Variants in C9orf43 observed in about 807,000 individuals in gnomAD.
C9orf43 encodes the protein uncharacterized protein C9orf43.
Under a neutral mutation model 59.1 loss-of-function variants are expected in C9orf43, and 45 were observed. The observed-to-expected ratio is 0.76, with a 90% CI of 0.60 to 0.98. C9orf43 has a LOEUF of 0.98. C9orf43 is among the 50% of genes least tolerant of loss of function. The pLI is 0.00. For missense variants in C9orf43, 533 were observed against 554.9 expected (o/e 0.96, Z 0.40); for synonymous variants, 203 against 196.8 (o/e 1.03, Z -0.26).
At chr9:113,414,013 T>G in intron 3 of C9orf43, 119 bp downstream of exon 3, 5 of 1,125,568 alleles carry the variant, frequency 4.4e-6, no homozygotes, top group Non-Finnish European at 6.2e-6. Flanking sequence ...CCAATTGGGT[T>G]AAAGAAGTGG....
At chr9:113,422,754 G>C (rs756690859) in intron 6 of C9orf43, among the ~76,000 whole-genome samples, 169 bp downstream of exon 6, 12 of 152,102 alleles carry the variant, frequency 7.9e-5, no homozygotes, top group Non-Finnish European at 1.5e-4. Context: ...TCTATTCAGA[G>C]ACTCCTTTTT....
chr9:113,412,829 A>G (rs569350852), intron 1 of C9orf43, among the ~76,000 whole-genome samples: 30 of 152,318 alleles, frequency 2.0e-4, no homozygotes, highest in African/African-American at 7.0e-4. Context: ...AATGAATGAA[A>G]AGCTAATGGC....
intron 12 of C9orf43, 108 bp downstream of exon 12, chr9:113,428,331 G>C (rs375549072): frequency 5.5e-5 from 59 of 1,080,482 alleles, no homozygotes; most frequent in Non-Finnish European, 7.8e-5. Context: ...TGATTCTGTG[G>C]GTTGACTGGA....
rs191657183 is a variant in C9orf43 at position 113,424,357 on chromosome 9, A to G, written c.807+41A>G. 3 of 1,556,436 alleles carry G rather than the reference A, an allele frequency of 1.9e-6. No homozygotes were observed. The African/African-American group carries it at 4.1e-5, about 21-fold the overall frequency. ...CAGCAGGGAAGAAGCCTATGTGAAA[A>G]TTCAAACCCATCTCTCCTCAAATCT... is the stretch of plus-strand genomic sequence containing the variant. On this transcript the variant is annotated intron_variant, in intron 8 of 13. Transcript: ENST00000374165.
intron 3 of C9orf43, among the ~76,000 whole-genome samples, chr9:113,414,604 A>G (rs1828292542): frequency 6.6e-6 from 1 of 152,112 alleles, no homozygotes; most frequent in South Asian, 2.1e-4. Context: ...ATGTGTTAAC[A>G]TGGTCTTCCC....
rs773945256 is a variant in C9orf43, at chr9:113,424,155, G to C, written c.657-11G>C. 12 of 1,598,900 alleles carry C rather than the reference G, an allele frequency of 7.5e-6. No homozygotes were observed. The highest frequency in any genetic ancestry group is 1.1e-5 in the South Asian group (1 of 88,042). On this transcript the variant is annotated splice_polypyrimidine_tract_variant and intron_variant, in intron 7 of 13. Transcript: ENST00000374165. ...GTTGCTGACTGTCTGGCTGTCCTCTGTCCCCTTCAGACTTTTGCCAGGTGG... is the reference window on the plus strand; with the variant it reads ...GTTGCTGACTGTCTGGCTGTCCTCTCTCCCCTTCAGACTTTTGCCAGGTGG...
Position 113,413,567 on chromosome 9 carries a change from G to A in C9orf43, c.74G>A (p.Trp25Ter), listed in dbSNP as rs1379697649. The A allele has an allele frequency of 1.9e-6, 3 of 1,614,056 alleles. No individual in the cohort carries two copies. In the African/African-American group the frequency reaches 4.0e-5, roughly 22 times the overall value. The change falls in exon 2 of 14, where the codon TGG (tryptophan) becomes TAG (stop). Residue 25 changes from tryptophan (W) to a stop codon, truncating the protein, a stop_gained. Transcript: ENST00000374165. LOFTEE classifies it high-confidence loss of function. ...GLAVCQHPQC[W>*]ATIRRIERGH... ...GCTGTTTGTCAGCACCCACAATGCT[G>A]GGCAACTATCCGCCGCATTGAGAGG...
rs1278892532 is a variant in C9orf43 at position 113,420,911 on chromosome 9, C to G, written c.346-192C>G. 5 of 445,388 alleles carry G rather than the reference C, an allele frequency of 1.1e-5. No homozygotes were observed. In the East Asian group the frequency reaches 7.8e-4, roughly 70 times the overall value. The allele number at this position is 445,388 out of a possible 1,614,324, so 27.6% of individuals were successfully genotyped here. On this transcript the variant is annotated intron_variant, in intron 4 of 13. Coordinates refer to ENST00000374165, the MANE Select transcript of C9orf43 (RefSeq NM_001278629.2). ...GAGATTATCTGCTTATTAATACTCA[C>G]TCTTGCAGATACCTATACTGATATT... is the stretch of plus-strand genomic sequence containing the variant.
chr9:113,414,126 A>G (rs1208951253), intron 3 of C9orf43, among the ~76,000 whole-genome samples: 1 of 152,168 alleles, frequency 6.6e-6, no homozygotes, highest in Non-Finnish European at 1.5e-5. Context: ...ATAACAAAAT[A>G]CCATAGACTG....
chr9:113,417,717 G>A (rs904524241), intron 3 of C9orf43, among the ~76,000 whole-genome samples: 3 of 152,206 alleles, frequency 2.0e-5, no homozygotes, highest in Non-Finnish European at 4.4e-5. Context: ...CATAGGAATA[G>A]CATATGCAAA....
At chr9:113,424,412 C>G (rs1386688496) in intron 8 of C9orf43, 96 bp downstream of exon 8, 2 of 1,342,908 alleles carry the variant, frequency 1.5e-6, no homozygotes, top group East Asian at 2.3e-5. Flanking sequence ...TCCTTATCTC[C>G]CTTCTGCCTT....
Position 113,422,470 on chromosome 9 carries a change from G to C in C9orf43, c.447-79G>C, listed in dbSNP as rs1769104800. ...CTTGGAGCTTCTGTTTAAGATATCT[G>C]GGAATAAGTTGTGCTTACTCTTATT... On this transcript the variant is annotated intron_variant, in intron 5 of 13. Transcript: ENST00000374165. 1.9e-6 allele frequency: 3 copies of C among 1,553,094 alleles called. No individual in the cohort carries two copies. In the South Asian group the frequency reaches 3.5e-5, roughly 18 times the overall value.
At chr9:113,420,246 AC>A (rs1588107285) in intron 4 of C9orf43, among the ~76,000 whole-genome samples, 2 of 152,042 alleles carry the variant, frequency 1.3e-5, no homozygotes, top group African/African-American at 4.8e-5. Flanking sequence ...GGCACACACC[AC>A]CACACTTGGC....
intron 5 of C9orf43, 127 bp from the exon 6 acceptor site, chr9:113,422,422 T>C: frequency 7.6e-7 from 1 of 1,321,526 alleles, no homozygotes; most frequent in South Asian, 1.4e-5. Flanking sequence ...TAGGAATCTT[T>C]GTGGTCATCA....
chr9:113,415,724 T>C (rs183993305), intron 3 of C9orf43, among the ~76,000 whole-genome samples: 1 of 152,310 alleles, frequency 6.6e-6, no homozygotes, highest in African/African-American at 2.4e-5. Flanking sequence ...CAATGAGTGC[T>C]TGCTGGTACA....
rs1256172913 is a variant in C9orf43, at chr9:113,429,497, G to C, written c.*111G>C. Reference sequence around the variant, plus strand: ...GTTTCACATAAGGGCAAGAGGAGAGGGGCTTCTGCTCTCTGGAGCCTTTAC... The same window carrying C: ...GTTTCACATAAGGGCAAGAGGAGAGCGGCTTCTGCTCTCTGGAGCCTTTAC... On this transcript the variant is annotated 3_prime_UTR_variant, in exon 14 of 14. Coordinates refer to ENST00000374165, the MANE Select transcript of C9orf43 (RefSeq NM_001278629.2). 4 of 849,434 alleles carry C rather than the reference G, an allele frequency of 4.7e-6. No homozygotes were observed. The highest frequency in any genetic ancestry group is 1.7e-5 in the African/African-American group (1 of 58,856). The allele number at this position is 849,434 out of a possible 1,614,324, so 52.6% of individuals were successfully genotyped here. A position where few individuals can be genotyped will look rare whatever the true frequency, so the allele number is the denominator to read the frequency against.
At chr9:113,424,145 G>A in intron 7 of C9orf43, 21 bp from the exon 8 acceptor site, 1 of 1,576,286 alleles carries the variant, frequency 6.3e-7, no homozygotes. Context: ...TGACTGTCTG[G>A]CTGTCCTCTG....
At chr9:113,428,345 T>C in intron 12 of C9orf43, 122 bp downstream of exon 12, 5 of 988,620 alleles carry the variant, frequency 5.1e-6, no homozygotes, top group Non-Finnish European at 4.7e-6. Flanking sequence ...GACTGGACAG[T>C]TGTTCTTCTC....
chr9:113,423,278 GGCTAAAAAGAATGCTTTGGA>G, intron 6 of C9orf43, 28 bp from the exon 7 acceptor site: 1 of 1,584,186 alleles, frequency 6.3e-7, no homozygotes, highest in Non-Finnish European at 8.6e-7. Flanking sequence ...GAAAGGACTA[GGCTAAAAAGAATGCTTTGGA>G]GAATTCTTTC....
Sources: gnomAD v4.1 joint callset for allele counts (sites outside exome capture counted in the v4.1 genomes callset) on GRCh38, gnomAD v4.1.1 for gene constraint, MANE v1.5 for transcripts, NCBI Gene and HGNC (gene_info 2026-07-23, HGNC 2026-07-21) for gene names.